FLT4: variants seen among roughly 807,000 people sequenced by gnomAD.
FLT4 encodes the protein vascular endothelial growth factor receptor 3.
A neutral mutation model predicts 163.2 loss-of-function variants in FLT4; 30 were observed. The observed-to-expected ratio is 0.18, with a 90% confidence interval of 0.14 to 0.25. The LOEUF is 0.25. FLT4 is among the 10% of genes least tolerant of loss of function. FLT4 has a pLI of 1.00. For synonymous variants in FLT4, 884 were observed against 789.5 expected (o/e 1.12, Z -2.01); for missense variants, 1,510 against 1,863.8 (o/e 0.81, Z 3.50).
At chr5:180,609,678 G>A in intron 28 of FLT4, 1 of 532,752 alleles carries the variant, frequency 1.9e-6, no homozygotes, top group Non-Finnish European at 3.4e-6. Flanking sequence ...GCGCTGCTGA[G>A]GAGGGGAGGC....
intron 1 of FLT4, among the ~76,000 whole-genome samples, chr5:180,633,661 AT>A (rs915489063): frequency 3.3e-5 from 5 of 151,742 alleles, no homozygotes; most frequent in African/African-American, 4.8e-5. Context: ...AAGGAGGGGG[AT>A]TTTTTTTCCA....
Position 180,630,186 on chromosome 5 carries a change from A to C in FLT4, c.513+39T>G. ...GGCGGCCGCCTTTCCCAGGGGTGGG[A>C]TGGGAGGGTCGGATGCTGGGGTTGG... On this transcript the variant is annotated intron_variant, in intron 4 of 29. Transcript: ENST00000261937. The surrounding 1 kb of genome is among the most constrained non-coding windows in gnomAD (Gnocchi z 6.3). The C allele has an allele frequency of 1.6e-6, 1 of 606,482 alleles. No individual in the cohort carries two copies. The allele number at this position is 606,482 out of a possible 1,614,324, so 37.6% of individuals were successfully genotyped here.
At position 180,630,134 on chromosome 5, in the gene FLT4, C is replaced by T. The variant is rs1324563940; in HGVS notation, c.514-29G>A. Reference sequence around the variant, plus strand: ...GAGGGACAAGGCCACCATCATTGCCCAGCTGCCCCTTGCTCCTGGCCAGAC... The same window carrying T: ...GAGGGACAAGGCCACCATCATTGCCTAGCTGCCCCTTGCTCCTGGCCAGAC... On this transcript the variant is annotated intron_variant, in intron 4 of 29. Coordinates refer to ENST00000261937, the MANE Select transcript of FLT4 (RefSeq NM_182925.5). The surrounding 1 kb of genome is among the most constrained non-coding windows in gnomAD (Gnocchi z 6.3). 1.2e-6 allele frequency: 2 copies of T among 1,612,438 alleles called. No individual in the cohort carries two copies. Among genetic ancestry groups the T allele is most frequent in the Admixed American group, 1.7e-5 (1 of 59,984 alleles).
At chr5:180,622,925 AC>A (rs201607334) in intron 11 of FLT4, 86 bp from the exon 12 acceptor site, 9 of 577,964 alleles carry the variant, frequency 1.6e-5, no homozygotes, top group Admixed American at 5.4e-5. Flanking sequence ...GTCGCTGTGC[AC>A]CACCCCCCCC....
intron 29 of FLT4, among the ~76,000 whole-genome samples, chr5:180,603,829 G>A (rs961932295): frequency 1.3e-5 from 2 of 151,978 alleles, no homozygotes; most frequent in African/African-American, 2.4e-5. Context: ...GCGTGAACCC[G>A]GGAGGCGGAG....
intron 1 of FLT4, among the ~76,000 whole-genome samples, chr5:180,648,450 A>C (rs572291254): frequency 1.3e-5 from 2 of 152,204 alleles, no homozygotes; most frequent in Non-Finnish European, 2.9e-5. Context: ...CCCTGTGAGA[A>C]TTACAAGCAT....
chr5:180,615,341 CCCGCT>C (rs1762577097), intron 23 of FLT4, among the ~76,000 whole-genome samples: 6 of 150,908 alleles, frequency 4.0e-5, no homozygotes, highest in African/African-American at 1.5e-4. Flanking sequence ...AGCACTGGGC[CCCGCT>C]GGTCACCTCC....
At chr5:180,621,982 T>TCCTC in intron 12 of FLT4, 78 bp from the exon 13 acceptor site, 1 of 1,416,726 alleles carries the variant, frequency 7.1e-7, no homozygotes, top group East Asian at 2.5e-5. Flanking sequence ...CGGGGTCTCC[T>TCCTC]CCTGCCTCCC....
At chr5:180,649,643 G>A, upstream of FLT4, 1 of 515,226 alleles carries the variant, frequency 1.9e-6, no homozygotes, top group Non-Finnish European at 2.7e-6. Flanking sequence ...GCGGGGCGGG[G>A]CGGGGGCCGG....
chr5:180,642,733 G>A (rs997533814), intron 1 of FLT4, among the ~76,000 whole-genome samples: 2 of 152,212 alleles, frequency 1.3e-5, no homozygotes, highest in African/African-American at 4.8e-5. Flanking sequence ...ACCCGCCAGA[G>A]GAGCAAGTAC....
At position 180,642,743 on chromosome 5, in the gene FLT4, C is replaced by T. The variant is rs1020348994; in HGVS notation, c.58+6745G>A. Among the ~76,000 whole-genome samples, 52 of 152,148 alleles carry T rather than the reference C, an allele frequency of 3.4e-4. 1 individual carries two copies. Among genetic ancestry groups the T allele is most frequent in the African/African-American group, 1.2e-3 (48 of 41,430 alleles). On this transcript the variant is annotated intron_variant, in intron 1 of 29. Transcript: ENST00000261937. ...TGTGCACCCGCCAGAGGAGCAAGTA[C>T]CACAAAGAATGAGAATTCCCAGCGC...
At position 180,619,593 on chromosome 5, in the gene FLT4, C is replaced by T. The variant is rs117636248; in HGVS notation, c.2647+72G>A. The T allele has an allele frequency of 2.5e-5, 31 of 1,243,176 alleles. No homozygotes were observed. In the East Asian group the frequency reaches 5.1e-4, roughly 20 times the overall value. 77.0% of individuals were successfully genotyped at this position (1,243,176 alleles called of 1,614,324 possible). On this transcript the variant is annotated intron_variant, in intron 18 of 29. Coordinates refer to ENST00000261937, the MANE Select transcript of FLT4 (RefSeq NM_182925.5). ...GCCTCAGTCTCCCTTCCCGAGTTGC[C>T]GTCCCACCGGCCCACCCCGAGCTGC...
At chr5:180,611,678 C>G in intron 26 of FLT4, 199 bp from the exon 27 acceptor site, 1 of 635,960 alleles carries the variant, frequency 1.6e-6, no homozygotes, top group African/African-American at 1.8e-5. Flanking sequence ...GCTCCTGACC[C>G]CTGAGATAGG....
intron 19 of FLT4, 32 bp from the exon 20 acceptor site, chr5:180,619,141 C>T: frequency 1.4e-6 from 2 of 1,447,280 alleles, no homozygotes; most frequent in Non-Finnish European, 1.8e-6. Context: ...GCCGTGCGTT[C>T]GGAACCCGGG....
chr5:180,603,869 A>C (rs944532688), intron 29 of FLT4, among the ~76,000 whole-genome samples: 11 of 150,520 alleles, frequency 7.3e-5, no homozygotes, highest in Admixed American at 4.6e-4. Context: ...GCACCACTGC[A>C]CTCCAGCCTG....
rs1277991170 is a variant in FLT4 at position 180,621,586 on chromosome 5, C to T, written c.1976G>A (p.Arg659His). Residue 659 changes from arginine (R) to histidine (H), a missense_variant, in exon 13 of 30, where the codon CGC (arginine) becomes CAC (histidine). Arg to His is a conservative substitution (Grantham distance 29, BLOSUM62 0). Coordinates refer to ENST00000261937, the MANE Select transcript of FLT4 (RefSeq NM_182925.5). ...CTTGTGGCAGTGCTTGTCATGGCTG[C>T]GCCGGTCTTGCACTTCGCACACATA... ...GHYVCEVQDR[R>H]SHDKHCHKKY... 6.2e-6 allele frequency: 10 copies of T among 1,611,640 alleles called. No individual in the cohort carries two copies. The Admixed American group carries it at 6.7e-5, about 11-fold the overall frequency.
At chr5:180,621,999 C>CCTCT (rs1003370795) in intron 12 of FLT4, 95 bp from the exon 13 acceptor site, 23 of 1,529,426 alleles carry the variant, frequency 1.5e-5, no homozygotes, top group African/African-American at 5.4e-5. Context: ...TCCCTCCCTC[C>CCTCT]CTCTCTCCTG....
intron 13 of FLT4, 114 bp downstream of exon 13, chr5:180,621,428 C>T: frequency 6.7e-7 from 1 of 1,491,242 alleles, no homozygotes; most frequent in Non-Finnish European, 9.0e-7. Context: ...GGGGTAGCTC[C>T]TGCAGGCCAG....
Position 180,616,247 on chromosome 5 carries a change from G to A in FLT4, c.3219+120C>T, listed in dbSNP as rs1462707320. The A allele has an allele frequency of 2.8e-6, 4 of 1,433,812 alleles. No individual in the cohort carries two copies. In the African/African-American group the frequency reaches 5.6e-5, roughly 20 times the overall value. 88.8% of individuals were successfully genotyped at this position (1,433,812 alleles called of 1,614,324 possible). A position where few individuals can be genotyped will look rare whatever the true frequency, so the allele number is the denominator to read the frequency against. On this transcript the variant is annotated intron_variant, in intron 23 of 29. Coordinates refer to ENST00000261937, the MANE Select transcript of FLT4 (RefSeq NM_182925.5). ...CCACCAGCAGCTGGGCACATGGCTGGCCAACCAAGGAGCTCACCTCACCCT... is the reference window on the plus strand; with the variant it reads ...CCACCAGCAGCTGGGCACATGGCTGACCAACCAAGGAGCTCACCTCACCCT...
Sources: allele counts gnomAD v4.1 joint callset (sites outside exome capture counted in the v4.1 genomes callset), GRCh38; gene constraint gnomAD v4.1.1; non-coding constraint Gnocchi (gnomAD v3.1); transcripts MANE v1.5; gene names NCBI Gene and HGNC (gene_info 2026-07-23, HGNC 2026-07-21).